The following FLI1 variants were observed in gnomAD, a reference collection of about 807,000 sequenced individuals.
FLI1 encodes the protein Fli-1 proto-oncogene, ETS transcription factor.
In FLI1, 13 loss-of-function variants were observed where a neutral mutation model predicts 53.1. The observed-to-expected ratio is 0.24, with a 90% CI of 0.16 to 0.39. The LOEUF is 0.39. Ranked by LOEUF, FLI1 falls within the 10% of genes least tolerant of loss-of-function variation. FLI1 has a pLI of 1.00. For synonymous variants in FLI1, 244 were observed against 236.7 expected (o/e 1.03, Z -0.28); for missense variants, 424 against 600.5 (o/e 0.71, Z 3.07).
chr11:128,757,047 TC>T (rs1940899881), intron 1 of FLI1, among the ~76,000 whole-genome samples: 2 of 47,774 alleles, frequency 4.2e-5, no homozygotes, highest in African/African-American at 1.0e-4. Context: ...GCTAATTTTT[TC>T]TTTCTTTCTT....
At chr11:128,795,206 A>G (rs1296617076) in intron 5 of FLI1, among the ~76,000 whole-genome samples, 1 of 151,934 alleles carries the variant, frequency 6.6e-6, no homozygotes, top group Non-Finnish European at 1.5e-5. Context: ...AATCCAACAC[A>G]CTCTTCAAAA....
intron 1 of FLI1, among the ~76,000 whole-genome samples, chr11:128,747,038 G>T (rs748052818): frequency 9.2e-5 from 14 of 152,168 alleles, no homozygotes; most frequent in Non-Finnish European, 1.5e-4. Context: ...GCTGCTCCCA[G>T]TGTGGTCCAG....
At chr11:128,759,007 G>T (rs1941004779) in intron 2 of FLI1, among the ~76,000 whole-genome samples, 1 of 152,228 alleles carries the variant, frequency 6.6e-6, no homozygotes, top group African/African-American at 2.4e-5. Context: ...CAGAGCACCA[G>T]CTTTCTCCCT....
chr11:128,687,746 C>A (rs1176880568), intron 1 of FLI1, among the ~76,000 whole-genome samples: 3 of 152,182 alleles, frequency 2.0e-5, no homozygotes, highest in Non-Finnish European at 4.4e-5. Context: ...TCAGATCTCT[C>A]TAAAGGAAAA....
chr11:128,804,475 ATGGAAGCATG>A (rs1352253604), intron 5 of FLI1: 3 of 152,236 alleles, frequency 2.0e-5, no homozygotes, highest in Non-Finnish European at 4.4e-5. Flanking sequence ...CAACACATTT[ATGGAAGCATG>A]TGGAATCTTT....
At chr11:128,709,901 T>C (rs999226187) in intron 1 of FLI1, among the ~76,000 whole-genome samples, 7 of 152,210 alleles carry the variant, frequency 4.6e-5, no homozygotes, top group African/African-American at 1.7e-4. Flanking sequence ...TTAAGGGATG[T>C]GAATTTAATT....
chr11:128,788,502 G>C (rs1417400409), intron 5 of FLI1, among the ~76,000 whole-genome samples: 2 of 151,984 alleles, frequency 1.3e-5, no homozygotes, highest in East Asian at 3.9e-4. Context: ...TATTTAGGGA[G>C]ACACACCTAG....
chr11:128,763,646 T>G (rs957983948), intron 2 of FLI1, among the ~76,000 whole-genome samples: 1 of 152,154 alleles, frequency 6.6e-6, no homozygotes, highest in African/African-American at 2.4e-5. Context: ...CAGAGAAGGA[T>G]CAGCTCCTGT....
At chr11:128,706,620 C>G (rs1473450893) in intron 1 of FLI1, among the ~76,000 whole-genome samples, 1 of 152,142 alleles carries the variant, frequency 6.6e-6, no homozygotes, top group Non-Finnish European at 1.5e-5. Flanking sequence ...TATTCATGCC[C>G]CCAAACACCA....
intron 1 of FLI1, among the ~76,000 whole-genome samples, chr11:128,716,788 G>A (rs903165691): frequency 6.6e-6 from 1 of 152,160 alleles, no homozygotes; most frequent in Non-Finnish European, 1.5e-5. Flanking sequence ...CTTGGTTTGA[G>A]TGGGTGTGAC....
At chr11:128,727,811 A>G (rs1939541404) in intron 1 of FLI1, among the ~76,000 whole-genome samples, 1 of 152,184 alleles carries the variant, frequency 6.6e-6, no homozygotes, top group Non-Finnish European at 1.5e-5. Context: ...CACTGCATCC[A>G]GCCACCCTGT....
intron 5 of FLI1, among the ~76,000 whole-genome samples, chr11:128,787,113 C>T (rs1283228804): frequency 6.6e-6 from 1 of 152,156 alleles, no homozygotes; most frequent in African/African-American, 2.4e-5. Context: ...CTGGCTGGTG[C>T]TGAAGCCCAT....
intron 2 of FLI1, among the ~76,000 whole-genome samples, chr11:128,758,774 T>C (rs2135811541): frequency 6.6e-6 from 1 of 152,214 alleles, no homozygotes; most frequent in South Asian, 2.1e-4. Context: ...ATGAGGAAGG[T>C]GTCTACCTTC....
chr11:128,809,048 T>C (rs1417526051), intron 7 of FLI1, 109 bp from the exon 8 acceptor site: 1 of 805,518 alleles, frequency 1.2e-6, no homozygotes, highest in African/African-American at 1.7e-5. Context: ...AATCAGTCTT[T>C]CCTGTGATCT....
intron 7 of FLI1, among the ~76,000 whole-genome samples, chr11:128,808,946 A>G (rs1195890575): frequency 4.6e-5 from 7 of 152,186 alleles, no homozygotes; most frequent in Admixed American, 2.6e-4. Flanking sequence ...TCCTGTTCCT[A>G]TTCTTTGTTC....
At chr11:128,741,647 A>G (rs993346768) in intron 1 of FLI1, among the ~76,000 whole-genome samples, 13 of 152,198 alleles carry the variant, frequency 8.5e-5, no homozygotes, top group African/African-American at 2.7e-4. Flanking sequence ...GGAGGGGATA[A>G]AAGGCTCATC....
At chr11:128,784,943 G>A (rs1216040518) in intron 5 of FLI1, among the ~76,000 whole-genome samples, 1 of 152,226 alleles carries the variant, frequency 6.6e-6, no homozygotes, top group Non-Finnish European at 1.5e-5. Context: ...CACAAAGCAA[G>A]GAAGTTGAGG....
At chr11:128,694,410 GCTCCT>G in intron 1 of FLI1, 134 bp downstream of exon 1, 3 of 699,002 alleles carry the variant, frequency 4.3e-6, no homozygotes, top group Non-Finnish European at 6.2e-6. Flanking sequence ...CTTCGCGCCG[GCTCCT>G]CCGGCGCTCG....
intron 1 of FLI1, among the ~76,000 whole-genome samples, chr11:128,754,429 G>A (rs1184004135): frequency 6.6e-6 from 1 of 152,214 alleles, no homozygotes; most frequent in Admixed American, 6.5e-5. Context: ...GCATCAGGGT[G>A]AAAGAGTAAA....
Sources: gnomAD v4.1 joint callset for allele counts (sites outside exome capture counted in the v4.1 genomes callset) on GRCh38, gnomAD v4.1.1 for gene constraint, MANE v1.5 for transcripts, NCBI Gene and HGNC (gene_info 2026-07-23, HGNC 2026-07-21) for gene names.